S100A3: variants seen among roughly 807,000 people sequenced by gnomAD.
S100A3 encodes the protein S100 calcium binding protein A3.
A neutral mutation model predicts 8.0 loss-of-function variants in S100A3; 11 were observed. The ratio of observed to expected loss-of-function variants is 1.37; its 90% confidence interval spans 0.86 to 2.27. The LOEUF is 2.27. Among genes scored for constraint, S100A3 ranks in the 30% most tolerant of loss-of-function variants. S100A3 has a pLI of 0.00. For synonymous variants in S100A3, 43 were observed against 49.6 expected, an observed-to-expected ratio of 0.87 and a Z score of 0.56; for missense variants, 124 against 127.1, an observed-to-expected ratio of 0.98 and a Z score of 0.12.
chr1:153,548,490 A>G lies in S100A3; in HGVS notation c.-5T>C, dbSNP rs375847324. 2 of 1,580,258 alleles carry G rather than the reference A, an allele frequency of 1.3e-6. No homozygotes were observed. The highest frequency in any genetic ancestry group is 1.2e-5 in the South Asian group (1 of 86,228). On this transcript the variant is annotated splice_region_variant and 5_prime_UTR_variant, in exon 2 of 3. Transcript: ENST00000368713. ...CTGCTCCAGAGGCCTGGCCATCCTC[A>G]CTGTCACAGAACAAGGGTGTGGCTC...
At chr1:153,548,835 A>G (rs1665649227) in intron 1 of S100A3, among the ~76,000 whole-genome samples, 1 of 152,050 alleles carries the variant, frequency 6.6e-6, no homozygotes, top group African/African-American at 2.4e-5. Flanking sequence ...CTTATCCCCA[A>G]CACCCAGGGA....
chr1:153,547,956 A>G lies in S100A3; in HGVS notation c.142-110T>C. 1 of 1,188,060 alleles carries G rather than the reference A, an allele frequency of 8.4e-7. No homozygotes were observed. 73.6% of individuals were successfully genotyped at this position (1,188,060 alleles called of 1,614,324 possible). ...CCCAAGTGGACCCACCCCACCCCAAACTACACCCTTCTGAGGGCCGACTTC... is the reference window on the plus strand; with the variant it reads ...CCCAAGTGGACCCACCCCACCCCAAGCTACACCCTTCTGAGGGCCGACTTC... On this transcript the variant is annotated intron_variant, in intron 2 of 2. Transcript: ENST00000368713. This position sits in a 1 kb window ranked among gnomAD's most constrained non-coding sequence, Gnocchi z 4.0.
At chr1:153,548,279 C>G in intron 2 of S100A3, 66 bp downstream of exon 2, 5 of 1,600,078 alleles carry the variant, frequency 3.1e-6, no homozygotes, top group Middle Eastern at 1.7e-4. Flanking sequence ...CCCCAGGTCT[C>G]TCTTTGCAGA....
rs781351256 is a variant in S100A3, at chr1:153,548,359, C to CCAGCTCCTTCTGCAG, written c.112_126dup (p.Leu38_Leu42dup). ...TGACTGCTCACCGGGGTCCAGGTGG[C>CCAGCTCCTTCTGCAG]CAGCTCCTTCTGCAGCAGCTCCTTG... On this transcript the variant is annotated inframe_insertion, in exon 2 of 3. Transcript: ENST00000368713. The CCAGCTCCTTCTGCAG allele has an allele frequency of 5.8e-5, 93 of 1,613,716 alleles. 1 individual carries two copies. In the South Asian group the frequency reaches 1.0e-3, roughly 17 times the overall value.
rs149215700 is a variant in S100A3 at position 153,547,942 on chromosome 1, C to T, written c.142-96G>A. The T allele has an allele frequency of 1.5e-3, 1,997 of 1,316,008 alleles. 23 individuals are homozygous for T. The African/African-American group carries it at 0.019, about 13-fold the overall frequency. The allele number at this position is 1,316,008 out of a possible 1,614,324, so 81.5% of individuals were successfully genotyped here. The stretch of plus-strand genomic sequence containing the variant: ...TCCCTCCTTCCTCTCCCAAGTGGAC[C>T]CACCCCACCCCAAACTACACCCTTC... On this transcript the variant is annotated intron_variant, in intron 2 of 2. Transcript: ENST00000368713. The surrounding 1 kb of genome is among the most constrained non-coding windows in gnomAD (Gnocchi z 4.0).
chr1:153,547,714 C>G lies in S100A3; in HGVS notation c.274G>C (p.Asp92His). 3 of 1,614,002 alleles carry G rather than the reference C, an allele frequency of 1.9e-6. No individual in the cohort carries two copies. Among genetic ancestry groups the G allele is most frequent in the South Asian group, 2.2e-5 (2 of 91,070 alleles). ...LCLYCHEYFK[D>H]CPSEPPCSQ Reference sequence around the variant, plus strand: ...GAGCAGGGGGGCTCTGAGGGGCAGTCCTTGAAGTACTCGTGGCAGTAGAGA... The same window carrying G: ...GAGCAGGGGGGCTCTGAGGGGCAGTGCTTGAAGTACTCGTGGCAGTAGAGA... Residue 92 changes from aspartate to histidine, a missense_variant, in exon 3 of 3, where the codon GAC (aspartate) becomes CAC (histidine). Coordinates refer to ENST00000368713, the MANE Select transcript of S100A3 (RefSeq NM_002960.2). This position sits in a 1 kb window ranked among gnomAD's most constrained non-coding sequence, Gnocchi z 4.0.
In S100A3 at chr1:153,547,547, C is replaced by T. The variant is rs368217179; in HGVS notation, c.*135G>A. On this transcript the variant is annotated 3_prime_UTR_variant, in exon 3 of 3. Coordinates refer to ENST00000368713, the MANE Select transcript of S100A3 (RefSeq NM_002960.2). This position sits in a 1 kb window ranked among gnomAD's most constrained non-coding sequence, Gnocchi z 4.0. Reference sequence around the variant, plus strand: ...AAGGAGCCCTCACATCTCTGGGCCTCCTAGGTAAAATGGGTTAACTGATCG... The same window carrying T: ...AAGGAGCCCTCACATCTCTGGGCCTTCTAGGTAAAATGGGTTAACTGATCG... The T allele has an allele frequency of 3.0e-5, 31 of 1,043,360 alleles. No homozygotes were observed. The East Asian group carries it at 3.7e-4, about 13-fold the overall frequency. The allele number at this position is 1,043,360 out of a possible 1,614,324, so 64.6% of individuals were successfully genotyped here.
chr1:153,547,758 C>A lies in S100A3; in HGVS notation c.230G>T (p.Arg77Leu). 1 of 1,614,034 alleles carries A rather than the reference C, an allele frequency of 6.2e-7. No individual in the cohort carries two copies. Among genetic ancestry groups the A allele is most frequent in the Non-Finnish European group, 8.5e-7 (1 of 1,179,942 alleles). The change falls in exon 3 of 3, where the codon CGC becomes CTC. Residue 77 changes from arginine (R) to leucine (L), a missense_variant. Physicochemically the swap from Arg to Leu is moderately radical, Grantham distance 102. Coordinates refer to ENST00000368713, the MANE Select transcript of S100A3 (RefSeq NM_002960.2). The surrounding 1 kb of genome is among the most constrained non-coding windows in gnomAD (Gnocchi z 4.0). Reference sequence around the variant, plus strand: ...GTAGAGACAGAGGCAGGCAAGTGAGCGCACATACTCCACAAAGTCCACCTC... The same window carrying A: ...GTAGAGACAGAGGCAGGCAAGTGAGAGCACATACTCCACAAAGTCCACCTC... ...DCEVDFVEYV[R>L]SLACLCLYCH...
At chr1:153,548,206 C>G (rs958662386) in intron 2 of S100A3, 139 bp downstream of exon 2, 2 of 1,111,752 alleles carry the variant, frequency 1.8e-6, no homozygotes, top group East Asian at 2.4e-5. Flanking sequence ...TCAGTTCTCC[C>G]CCTCCCACTC....
rs1665623965 is a variant in S100A3 at position 153,547,962 on chromosome 1, C to T, written c.142-116G>A. 1.8e-6 allele frequency: 2 copies of T among 1,132,328 alleles called. No homozygotes were observed. Among genetic ancestry groups the T allele is most frequent in the Non-Finnish European group, 2.6e-6 (2 of 781,698 alleles). The allele number at this position is 1,132,328 out of a possible 1,614,324, so 70.1% of individuals were successfully genotyped here. On this transcript the variant is annotated intron_variant, in intron 2 of 2. Coordinates refer to ENST00000368713, the MANE Select transcript of S100A3 (RefSeq NM_002960.2). The surrounding 1 kb of genome is among the most constrained non-coding windows in gnomAD (Gnocchi z 4.0). Reference sequence around the variant, plus strand: ...TGGACCCACCCCACCCCAAACTACACCCTTCTGAGGGCCGACTTCAACCTC... The same window carrying T: ...TGGACCCACCCCACCCCAAACTACATCCTTCTGAGGGCCGACTTCAACCTC...
chr1:153,548,112 C>T (rs1665628103), intron 2 of S100A3, among the ~76,000 whole-genome samples: 2 of 152,220 alleles, frequency 1.3e-5, no homozygotes, highest in Non-Finnish European at 2.9e-5. Flanking sequence ...GGTGCTCTCA[C>T]TCAGTCCTCT....
intron 2 of S100A3, among the ~76,000 whole-genome samples, chr1:153,548,089 A>G (rs1665627302): frequency 6.6e-6 from 1 of 152,176 alleles, no homozygotes; most frequent in South Asian, 2.1e-4. Flanking sequence ...ACCAAGTGTT[A>G]GGCATTCTTC....
At chr1:153,548,616 C>G in intron 1 of S100A3, 126 bp from the exon 2 acceptor site, 1 of 1,261,076 alleles carries the variant, frequency 7.9e-7, no homozygotes, top group South Asian at 1.5e-5. Context: ...CTTCAGGCCC[C>G]GCAGTCTCCC....
chr1:153,547,944 AC>A lies in S100A3; in HGVS notation c.142-99del. 1.5e-6 allele frequency: 2 copies of A among 1,317,598 alleles called. No individual in the cohort carries two copies. The highest frequency in any genetic ancestry group is 2.1e-6 in the Non-Finnish European group (2 of 940,512). The allele number at this position is 1,317,598 out of a possible 1,614,324, so 81.6% of individuals were successfully genotyped here. On this transcript the variant is annotated intron_variant, in intron 2 of 2. Coordinates refer to ENST00000368713, the MANE Select transcript of S100A3 (RefSeq NM_002960.2). The surrounding 1 kb of genome is among the most constrained non-coding windows in gnomAD (Gnocchi z 4.0). ...CCTCCTTCCTCTCCCAAGTGGACCCACCCCACCCCAAACTACACCCTTCTGA... is the reference window on the plus strand; with the variant it reads ...CCTCCTTCCTCTCCCAAGTGGACCCACCCACCCCAAACTACACCCTTCTGA...
intron 2 of S100A3, among the ~76,000 whole-genome samples, 176 bp from the exon 3 acceptor site, chr1:153,548,022 C>T (rs560961024): frequency 6.6e-6 from 1 of 152,262 alleles, no homozygotes; most frequent in South Asian, 2.1e-4. Flanking sequence ...CAATCCCCTC[C>T]CAAATCTGTC....
At chr1:153,548,531 G>T in intron 1 of S100A3, 41 bp from the exon 2 acceptor site, 1 of 1,535,936 alleles carries the variant, frequency 6.5e-7, no homozygotes, top group Non-Finnish European at 8.8e-7. Context: ...AGAGTTCCAG[G>T]CCAGCCCCCC....
chr1:153,548,836 C>T (rs1665649309), intron 1 of S100A3, among the ~76,000 whole-genome samples: 1 of 152,240 alleles, frequency 6.6e-6, no homozygotes, highest in Non-Finnish European at 1.5e-5. Flanking sequence ...TTATCCCCAA[C>T]ACCCAGGGAT....
Position 153,547,931 on chromosome 1 carries a change from C to A in S100A3, c.142-85G>T. 1 of 1,411,812 alleles carries A rather than the reference C, an allele frequency of 7.1e-7. No homozygotes were observed. Among genetic ancestry groups the A allele is most frequent in the Non-Finnish European group, 9.8e-7 (1 of 1,020,652 alleles). 87.5% of individuals were successfully genotyped at this position (1,411,812 alleles called of 1,614,324 possible). A position where few individuals can be genotyped will look rare whatever the true frequency, so the allele number is the denominator to read the frequency against. ...CACACGCCACCTCCCTCCTTCCTCT[C>A]CCAAGTGGACCCACCCCACCCCAAA... is the stretch of plus-strand genomic sequence containing the variant. On this transcript the variant is annotated intron_variant, in intron 2 of 2. Transcript: ENST00000368713. This position sits in a 1 kb window ranked among gnomAD's most constrained non-coding sequence, Gnocchi z 4.0.
At position 153,549,217 on chromosome 1, in the gene S100A3, T is replaced by G. The variant is rs900959698; in HGVS notation, c.-42A>C. On this transcript the variant is annotated 5_prime_UTR_variant, in exon 1 of 3. Coordinates refer to ENST00000368713, the MANE Select transcript of S100A3 (RefSeq NM_002960.2). ...AGTCAGGAACCTGAACCAGATGGTC[T>G]CTTGAGAGTTGACCAGTTCGGGTGT... 6.6e-6 allele frequency: 1 copy of G among 152,372 alleles called. No individual in the cohort carries two copies. 9.4% of individuals were successfully genotyped at this position (152,372 alleles called of 1,614,324 possible).
Sources: allele counts gnomAD v4.1 joint callset (sites outside exome capture counted in the v4.1 genomes callset), GRCh38; gene constraint gnomAD v4.1.1; non-coding constraint Gnocchi (gnomAD v3.1); transcripts MANE v1.5; gene names NCBI Gene and HGNC (gene_info 2026-07-23, HGNC 2026-07-21).